The following SMG5 variants were observed in gnomAD, a reference collection of about 807,000 sequenced individuals.
SMG5 encodes the protein SMG5 nonsense mediated mRNA decay factor.
In SMG5, 53 loss-of-function variants were observed where a neutral mutation model predicts 122.9. That is an observed-to-expected ratio of 0.43 (90% CI 0.35 to 0.54). The LOEUF (loss-of-function observed/expected upper bound fraction) is 0.54. Ranked by LOEUF, SMG5 falls within the 20% of genes least tolerant of loss-of-function variation. SMG5 has a pLI of 0.01. For missense variants in SMG5, 1,153 were observed against 1,285.6 expected, an observed-to-expected ratio of 0.90 and a Z score of 1.58; for synonymous variants, 477 against 490.2, an observed-to-expected ratio of 0.97 and a Z score of 0.35.
upstream of SMG5, chr1:156,286,052 G>A (rs1663150656): frequency 5.2e-6 from 8 of 1,538,184 alleles, no homozygotes; most frequent in Admixed American, 9.5e-5. Context: ...GCTGGTGTGG[G>A]GAGCAGGAGG....
upstream of SMG5, among the ~76,000 whole-genome samples, chr1:156,286,829 A>C (rs2101589137): frequency 6.6e-6 from 1 of 152,340 alleles, no homozygotes; most frequent in African/African-American, 2.4e-5. Context: ...ATATTTTTTC[A>C]AAATAGAGAC....
chr1:156,273,359 A>G lies in SMG5; in HGVS notation c.634+2T>C. 6.2e-7 allele frequency: 1 copy of G among 1,613,222 alleles called. No homozygotes were observed. The highest frequency in any genetic ancestry group is 1.1e-5 in the South Asian group (1 of 91,036). On this transcript the variant is annotated splice_donor_variant, in intron 6 of 21. Coordinates refer to ENST00000361813, the MANE Select transcript of SMG5 (RefSeq NM_015327.3). LOFTEE classifies it high-confidence loss of function. ...CAGAGGCCCAAGTTGGGGACAACTT[A>G]CCAATCTGAGGAGCTACTGACAGGG...
chr1:156,268,290 C>T lies in SMG5; in HGVS notation c.839G>A (p.Arg280Gln), dbSNP rs866820693. 17 of 1,614,020 alleles carry T rather than the reference C, an allele frequency of 1.1e-5. No homozygotes were observed. The Middle Eastern group carries it at 1.6e-3, about 156-fold the overall frequency. The change falls in exon 8 of 22, where the codon CGA becomes CAA. Residue 280 changes from arginine (R) to glutamine (Q), a missense_variant and splice_region_variant. Physicochemically the swap from Arg to Gln is conservative, Grantham distance 43 (BLOSUM62 1). Coordinates refer to ENST00000361813, the MANE Select transcript of SMG5 (RefSeq NM_015327.3). Reference sequence around the variant, plus strand: ...CGTCCTCCTCACAGGCCCCACTCACCGCTTTTTGCCAGGAGACAGTTTCCG... The same window carrying T: ...CGTCCTCCTCACAGGCCCCACTCACTGCTTTTTGCCAGGAGACAGTTTCCG... ...ETRKLSPGKKRCKDIKRLLVN... is the reference protein window; with the variant it reads ...ETRKLSPGKKQCKDIKRLLVN...
intron 7 of SMG5, 91 bp downstream of exon 7, chr1:156,272,229 G>T: frequency 1.7e-6 from 2 of 1,178,792 alleles, no homozygotes; most frequent in Non-Finnish European, 1.2e-6. Flanking sequence ...CTCAGCCACA[G>T]CTAGAGGAAG....
chr1:156,278,166 G>A (rs1572599849), intron 2 of SMG5, 118 bp from the exon 3 acceptor site: 4 of 1,327,410 alleles, frequency 3.0e-6, no homozygotes, highest in Non-Finnish European at 4.1e-6. Context: ...TGCTTCCCAA[G>A]AGACATGCAG....
intron 1 of SMG5, among the ~76,000 whole-genome samples, chr1:156,281,808 C>T (rs991276669): frequency 6.6e-6 from 1 of 152,210 alleles, no homozygotes; most frequent in Non-Finnish European, 1.5e-5. Context: ...AAATTCTCCA[C>T]CTTTGATGGG....
Position 156,250,611 on chromosome 1 carries a change from G to A in SMG5, c.3027C>T (p.Tyr1009=). 2 of 1,614,192 alleles carry A rather than the reference G, an allele frequency of 1.2e-6. No homozygotes were observed. Among genetic ancestry groups the A allele is most frequent in the East Asian group, 2.2e-5 (1 of 44,876 alleles). ...SVDIKNVLDF[Y]KQWKEIG is the part of the protein sequence containing the mutation. ...ATCAACCAATTTCCTTCCACTGCTT[G>A]TAGAAGTCCAGAACATTCTTGATGT... The change falls in exon 22 of 22, where the codon TAC becomes TAT. Residue 1009 remains tyrosine (Y), a synonymous_variant. Transcript: ENST00000361813.
chr1:156,271,393 G>T (rs1203590551), intron 7 of SMG5, among the ~76,000 whole-genome samples: 1 of 152,120 alleles, frequency 6.6e-6, no homozygotes, highest in Non-Finnish European at 1.5e-5. Context: ...CTTTAGCACT[G>T]ATTAGGTGAC....
At chr1:156,268,206 T>C in intron 8 of SMG5, 23 bp from the exon 9 acceptor site, 1 of 1,614,092 alleles carries the variant, frequency 6.2e-7, no homozygotes, top group Admixed American at 1.7e-5. Context: ...GAGCCCAAAG[T>C]AAATGCTGAA....
At chr1:156,286,111 A>G (rs1375347091), upstream of SMG5, 4 of 1,414,118 alleles carry the variant, frequency 2.8e-6, no homozygotes, top group African/African-American at 5.7e-5. Flanking sequence ...ACCCCCTGCC[A>G]GTCTGCATGC....
chr1:156,253,118 C>A, intron 17 of SMG5, 40 bp from the exon 18 acceptor site: 2 of 1,535,612 alleles, frequency 1.3e-6, no homozygotes, highest in Non-Finnish European at 1.8e-6. Context: ...TGTGGGGGAC[C>A]CCTGCAGCCG....
upstream of SMG5, chr1:156,285,338 G>A (rs1663118672): frequency 1.0e-5 from 16 of 1,572,752 alleles, no homozygotes; most frequent in African/African-American, 1.4e-5. Flanking sequence ...AGGGGAAGGT[G>A]GGGCCGAATC....
At chr1:156,252,215 G>A (rs1661384435) in intron 19 of SMG5, among the ~76,000 whole-genome samples, 199 bp downstream of exon 19, 1 of 152,186 alleles carries the variant, frequency 6.6e-6, no homozygotes, top group South Asian at 2.1e-4. Context: ...GATCCCTTTG[G>A]TCACCCTCTA....
chr1:156,263,422 G>C lies in SMG5; in HGVS notation c.2004C>G (p.Asn668Lys). The change falls in exon 13 of 22, where the codon AAC becomes AAG. Residue 668 changes from asparagine to lysine, a missense_variant. Transcript: ENST00000361813. ...GCGCACACACGATGATGAGGTCGGG[G>C]TTGGTCCGAAGCCAGTCCAGGAAGA... Reference protein sequence around the residue: ...VKVFLDWLRTNPDLIIVCAQS... With the variant: ...VKVFLDWLRTKPDLIIVCAQS... The C allele has an allele frequency of 6.2e-7, 1 of 1,614,164 alleles. No individual in the cohort carries two copies. Among genetic ancestry groups the C allele is most frequent in the South Asian group, 1.1e-5 (1 of 91,080 alleles).
rs569027185 is a variant in SMG5, at chr1:156,261,615, C to T, written c.2032-207G>A. Among the ~76,000 whole-genome samples the T allele has an allele frequency of 4.9e-4, 74 of 152,140 alleles. 1 individual carries two copies. The highest frequency in any genetic ancestry group is 1.7e-3 in the African/African-American group (70 of 41,490). ...AAAAATTAGCTGGGCTGGCTGGGCA[C>T]GGTGGTTCATGCCTATAATCCCAGC... On this transcript the variant is annotated intron_variant, in intron 13 of 21. Transcript: ENST00000361813.
chr1:156,274,566 A>C (rs1662591846), intron 5 of SMG5, 31 bp downstream of exon 5: 1 of 1,605,180 alleles, frequency 6.2e-7, no homozygotes. Context: ...TGTAACCCAA[A>C]ACAGAGAAAA....
intron 15 of SMG5, among the ~76,000 whole-genome samples, chr1:156,259,768 G>C (rs992689065): frequency 4.6e-5 from 7 of 152,134 alleles, no homozygotes; most frequent in Admixed American, 3.9e-4. Flanking sequence ...GAGCTCAAGC[G>C]ATCCACCTGC....
chr1:156,263,487 G>A lies in SMG5; in HGVS notation c.1939C>T (p.Gln647Ter). The A allele has an allele frequency of 6.2e-7, 1 of 1,614,264 alleles. No individual in the cohort carries two copies. The highest frequency in any genetic ancestry group is 8.5e-7 in the Non-Finnish European group (1 of 1,180,048). The change falls in exon 13 of 22, where the codon CAG becomes TAG. Residue 647 changes from glutamine to a stop codon, truncating the protein, a stop_gained. Coordinates refer to ENST00000361813, the MANE Select transcript of SMG5 (RefSeq NM_015327.3). LOFTEE classifies it high-confidence loss of function. The part of the protein sequence containing the change: ...RNERSIQEKL[Q>*]VLMAEGLLPA... ...AGCAGACCTTCGGCCATCAGGACCT[G>A]AAGCTTCTCCTGGATGCTGCGCTCA...
chr1:156,260,755 G>A (rs12142808), intron 14 of SMG5, 129 bp from the exon 15 acceptor site: 193,057 of 769,106 alleles, frequency 0.25, 25,929 homozygotes, highest in Non-Finnish European at 0.27. Context: ...AGGACAGTGC[G>A]GAGAGATGGA....
Sources: allele counts gnomAD v4.1 joint callset (sites outside exome capture counted in the v4.1 genomes callset), GRCh38; gene constraint gnomAD v4.1.1; transcripts MANE v1.5; gene names NCBI Gene and HGNC (gene_info 2026-07-23, HGNC 2026-07-21).